The following ATXN2 variants were observed in gnomAD, a reference collection of about 807,000 sequenced individuals.
The protein encoded by ATXN2 is ataxin 2.
In ATXN2, 37 loss-of-function variants were observed where a neutral mutation model predicts 138.6. The ratio of observed to expected loss-of-function variants is 0.27; its 90% CI spans 0.21 to 0.35. The LOEUF (loss-of-function observed/expected upper bound fraction) is 0.35, where lower values mean the gene tolerates loss of function less well. ATXN2 is among the 10% of genes least tolerant of loss of function. The pLI, the probability that ATXN2 is intolerant of heterozygous loss-of-function variation, is 1.00. For synonymous variants in ATXN2, 549 were observed against 543.7 expected (o/e 1.01, Z -0.13); for missense variants, 1,216 against 1,480.3 (o/e 0.82, Z 2.93).
chr12:111,597,534 A>G (rs1232795729), intron 1 of ATXN2, among the ~76,000 whole-genome samples: 4 of 152,174 alleles, frequency 2.6e-5, no homozygotes, highest in Non-Finnish European at 5.9e-5. Context: ...ACCGGCCACA[A>G]TGGAATGGAG....
chr12:111,460,021 A>AATTT (rs1000557360), intron 21 of ATXN2, among the ~76,000 whole-genome samples: 3 of 152,182 alleles, frequency 2.0e-5, no homozygotes, highest in African/African-American at 7.2e-5. Flanking sequence ...CCGGCCTAAA[A>AATTT]ATTTATTTTT....
At chr12:111,493,861 T>C (rs1878218740) in intron 14 of ATXN2, among the ~76,000 whole-genome samples, 1 of 152,122 alleles carries the variant, frequency 6.6e-6, no homozygotes, top group African/African-American at 2.4e-5. Flanking sequence ...ACTCCTAACC[T>C]TGTGATTCGC....
intron 22 of ATXN2, among the ~76,000 whole-genome samples, chr12:111,456,730 T>C (rs747732656): frequency 3.3e-5 from 5 of 152,170 alleles, no homozygotes; most frequent in Non-Finnish European, 7.3e-5. Flanking sequence ...TATCAACATG[T>C]ATCTTAAATG....
At chr12:111,588,959 C>T (rs1346415334) in intron 1 of ATXN2, among the ~76,000 whole-genome samples, 2 of 122,520 alleles carry the variant, frequency 1.6e-5, no homozygotes, top group African/African-American at 3.1e-5. Flanking sequence ...TGTGTCACCG[C>T]ACTCTAGCCT....
chr12:111,555,857 CAATAAGT>C lies in ATXN2; in HGVS notation c.288+19_288+25del, dbSNP rs770356331. ...TCATGTTTTAGCTACTAATTTTCCC[CAATAAGT>C]AACATTAAAGTTACTCACCGTAGAC... On this transcript the variant is annotated intron_variant, in intron 2 of 24. Transcript: ENST00000673436. 6.3e-7 allele frequency: 1 copy of C among 1,574,830 alleles called. No homozygotes were observed. Among genetic ancestry groups the C allele is most frequent in the Non-Finnish European group, 8.6e-7 (1 of 1,160,354 alleles).
chr12:111,529,615 T>C lies in ATXN2; in HGVS notation c.572-4299A>G, dbSNP rs769890980. ...AAACTTAGTCATTTTGGGCCGGTGA[T>C]GCCACCTGCTGGTGGTCATAAAGAA... On this transcript the variant is annotated intron_variant, in intron 5 of 24. Coordinates refer to ENST00000673436, the MANE Select transcript of ATXN2 (RefSeq NM_001372574.1). 3.3e-5 allele frequency among the ~76,000 whole-genome samples: 5 copies of C among 152,180 alleles called. No individual in the cohort carries two copies. In the South Asian group the frequency reaches 8.3e-4, roughly 25 times the overall value.
intron 22 of ATXN2, 74 bp downstream of exon 22, chr12:111,457,140 C>G: frequency 6.6e-7 from 1 of 1,525,626 alleles, no homozygotes; most frequent in Non-Finnish European, 8.9e-7. Flanking sequence ...CGATGCGATA[C>G]CTGGCACCTG....
chr12:111,548,800 T>C (rs992220435), intron 5 of ATXN2, among the ~76,000 whole-genome samples: 3 of 152,074 alleles, frequency 2.0e-5, no homozygotes, highest in African/African-American at 7.2e-5. Context: ...GATCTCGCAA[T>C]CTCTGCCTCC....
chr12:111,542,421 T>C (rs1369823343), intron 5 of ATXN2, among the ~76,000 whole-genome samples: 1 of 151,900 alleles, frequency 6.6e-6, no homozygotes, highest in Non-Finnish European at 1.5e-5. Context: ...AGTAGAGCCA[T>C]GTCGGCCAGG....
chr12:111,516,498 T>G lies in ATXN2; in HGVS notation c.1166-135A>C. The stretch of plus-strand genomic sequence containing the variant: ...AACCCTTTGAGGACAGTCATTTGAT[T>G]TGTGATAAGTTTTAGCATAACTTAA... On this transcript the variant is annotated intron_variant, in intron 9 of 24. Coordinates refer to ENST00000673436, the MANE Select transcript of ATXN2 (RefSeq NM_001372574.1). This position sits in a 1 kb window ranked among gnomAD's most constrained non-coding sequence, Gnocchi z 5.0. 1 of 846,216 alleles carries G rather than the reference T, an allele frequency of 1.2e-6. No individual in the cohort carries two copies. The highest frequency in any genetic ancestry group is 1.7e-5 in the African/African-American group (1 of 57,302). The allele number at this position is 846,216 out of a possible 1,614,324, so 52.4% of individuals were successfully genotyped here. A position where few individuals can be genotyped will look rare whatever the true frequency, so the allele number is the denominator to read the frequency against.
At chr12:111,469,938 G>T in intron 20 of ATXN2, 170 bp downstream of exon 20, 1 of 715,914 alleles carries the variant, frequency 1.4e-6, no homozygotes, top group Admixed American at 3.2e-5. Context: ...GAAACTATTT[G>T]CCAAAAGTTA....
chr12:111,477,310 A>T (rs747202561), intron 18 of ATXN2, among the ~76,000 whole-genome samples: 3 of 152,014 alleles, frequency 2.0e-5, no homozygotes, highest in Non-Finnish European at 4.4e-5. Flanking sequence ...CCAAGGTCAC[A>T]CTACTGCACT....
At chr12:111,498,458 A>G (rs1346965137) in intron 14 of ATXN2, among the ~76,000 whole-genome samples, 1 of 152,206 alleles carries the variant, frequency 6.6e-6, no homozygotes, top group Non-Finnish European at 1.5e-5. Flanking sequence ...TTTTAAACGC[A>G]ATCCCATTTA....
chr12:111,572,925 T>C (rs888502812), intron 1 of ATXN2, among the ~76,000 whole-genome samples: 1 of 152,238 alleles, frequency 6.6e-6, no homozygotes, highest in African/African-American at 2.4e-5. Flanking sequence ...CAGCCCATGA[T>C]ATCGTACAAC....
chr12:111,597,172 G>A (rs970846251), intron 1 of ATXN2, among the ~76,000 whole-genome samples: 2 of 151,860 alleles, frequency 1.3e-5, no homozygotes, highest in Non-Finnish European at 2.9e-5. Context: ...GGCGGGGCGT[G>A]TAAAGTCAAA....
rs147958412 is a variant in ATXN2, at chr12:111,568,404, C to T, written c.252-12485G>A. 3.1e-4 allele frequency among the ~76,000 whole-genome samples: 47 copies of T among 152,232 alleles called. 1 individual carries two copies. Among genetic ancestry groups the T allele is most frequent in the African/African-American group, 1.1e-3 (45 of 41,538 alleles). Reference sequence around the variant, plus strand: ...GCTCATCCATCACCATTTTTCAACACTCCTCCTCTATATGTCCTTCAGTAG... The same window carrying T: ...GCTCATCCATCACCATTTTTCAACATTCCTCCTCTATATGTCCTTCAGTAG... On this transcript the variant is annotated intron_variant, in intron 1 of 24. Coordinates refer to ENST00000673436, the MANE Select transcript of ATXN2 (RefSeq NM_001372574.1).
chr12:111,541,164 A>ATTCTCATTCTCATTC lies in ATXN2; in HGVS notation c.571+11115_571+11116insGAATGAGAATGAGAA, dbSNP rs1265851112. Among the ~76,000 whole-genome samples the ATTCTCATTCTCATTC allele has an allele frequency of 6.3e-4, 94 of 149,648 alleles. 3 individuals carry two copies. Among genetic ancestry groups the ATTCTCATTCTCATTC allele is most frequent in the Middle Eastern group, 3.4e-3 (1 of 294 alleles). On this transcript the variant is annotated intron_variant, in intron 5 of 24. Transcript: ENST00000673436. ...TTGTTTAATCACAGTTTTCTCATTA[A>ATTCTCATTCTCATTC]TCTATTTGGTTTTATTTATCAGTGT...
intron 1 of ATXN2, among the ~76,000 whole-genome samples, chr12:111,576,342 G>A (rs1022867294): frequency 6.6e-5 from 10 of 151,986 alleles, no homozygotes; most frequent in Admixed American, 2.6e-4. Flanking sequence ...TACTTGGGAG[G>A]CTGAATCACC....
chr12:111,452,872 A>G, intron 24 of ATXN2, 32 bp from the exon 25 acceptor site: 1 of 1,604,532 alleles, frequency 6.2e-7, no homozygotes, highest in Middle Eastern at 1.7e-4. Context: ...TTGAAACAGA[A>G]AACTGGCAAC....
Sources: gnomAD v4.1 joint callset for allele counts (sites outside exome capture counted in the v4.1 genomes callset) on GRCh38, gnomAD v4.1.1 for gene constraint, Gnocchi (gnomAD v3.1) non-coding constraint, MANE v1.5 for transcripts, NCBI Gene and HGNC (gene_info 2026-07-23, HGNC 2026-07-21) for gene names.